TTC34: variants seen among roughly 807,000 people sequenced by gnomAD.
TTC34 encodes the protein tetratricopeptide repeat domain 34, also known as tetratricopeptide repeat protein 34.
Under a neutral mutation model 40.7 loss-of-function variants are expected in TTC34, and 44 were observed. That is an observed-to-expected ratio of 1.08 (90% CI 0.85 to 1.39). The LOEUF (loss-of-function observed/expected upper bound fraction) is 1.39, where lower values mean the gene tolerates loss of function less well. Among genes scored for constraint, TTC34 ranks in the 40% most tolerant of loss-of-function variants. TTC34 has a pLI of 0.00. For synonymous variants in TTC34, 422 were observed against 398.6 expected (o/e 1.06, Z -0.70); for missense variants, 884 against 838.0 (o/e 1.05, Z -0.68).
At chr1:2,682,663 CCACACCCCCAGGCGAG>C (rs1640131293) in intron 6 of TTC34, among the ~76,000 whole-genome samples, 4 of 148,216 alleles carry the variant, frequency 2.7e-5, no homozygotes, top group Non-Finnish European at 6.1e-5. Context: ...GGAGCAGCAC[CCACACCCCCAGGCGAG>C]CATCCGACAG....
intron 6 of TTC34, among the ~76,000 whole-genome samples, chr1:2,651,255 C>T (rs1173792601): frequency 1.3e-5 from 2 of 152,036 alleles, no homozygotes; most frequent in Non-Finnish European, 2.9e-5. Context: ...GTGTGACAGC[C>T]TGAAACAGCA....
At chr1:2,688,373 C>A (rs1483056578) in intron 6 of TTC34, among the ~76,000 whole-genome samples, 1 of 151,896 alleles carries the variant, frequency 6.6e-6, no homozygotes, top group Non-Finnish European at 1.5e-5. Context: ...CCCACACGCC[C>A]AGGTGAGCAT....
chr1:2,683,642 A>G (rs201667635), intron 6 of TTC34, among the ~76,000 whole-genome samples: 4 of 148,148 alleles, frequency 2.7e-5, no homozygotes, highest in African/African-American at 1.0e-4. Context: ...CCCCCAGGTG[A>G]GCATCTGACA....
At chr1:2,683,244 T>C (rs1229016808) in intron 6 of TTC34, among the ~76,000 whole-genome samples, 1 of 147,794 alleles carries the variant, frequency 6.8e-6, no homozygotes. Context: ...CAAGTGAGCA[T>C]CTGATGGTTT....
exon 2 of TTC34, chr1:2,800,846 C>A (rs931163808): frequency 5.5e-5 from 22 of 398,638 alleles, no homozygotes; most frequent in East Asian, 1.8e-4. Flanking sequence ...CCCCGACGGG[C>A]CCATGTCTGG....
chr1:2,793,882 C>A lies in TTC34; in HGVS notation c.785-3536G>T, dbSNP rs112571276. 2.2e-3 allele frequency among the ~76,000 whole-genome samples: 341 copies of A among 152,280 alleles called. 2 individuals are homozygous for A. The highest frequency in any genetic ancestry group is 7.8e-3 in the African/African-American group (325 of 41,550). Reference sequence around the variant, plus strand: ...CTACTGCCACCTCTTCCTTCTCCATCTTCTGCTTCTCCTTCTCCTCTTCTC... The same window carrying A: ...CTACTGCCACCTCTTCCTTCTCCATATTCTGCTTCTCCTTCTCCTCTTCTC... On this transcript the variant is annotated intron_variant, in intron 2 of 8. Transcript: ENST00000401095.
chr1:2,640,293 T>C (rs1638875517), exon 9 of TTC34: 1 of 152,240 alleles, frequency 6.6e-6, no homozygotes, highest in Non-Finnish European at 1.5e-5. Flanking sequence ...ACACTCACAG[T>C]GATGGGCAAA....
intron 6 of TTC34, among the ~76,000 whole-genome samples, chr1:2,699,216 G>A (rs1208527579): frequency 1.3e-5 from 2 of 150,166 alleles, no homozygotes; most frequent in Admixed American, 1.3e-4. Flanking sequence ...CACACCCCCA[G>A]GTGAGCATCT....
intron 6 of TTC34, among the ~76,000 whole-genome samples, chr1:2,750,291 T>A (rs1210365109): frequency 6.0e-4 from 10 of 16,764 alleles, no homozygotes; most frequent in South Asian, 1.7e-3. Flanking sequence ...GACCCCCAGG[T>A]GAGCATCTGA....
At position 2,641,828 on chromosome 1, in the gene TTC34, G is replaced by T. The variant is rs1638913104; in HGVS notation, c.2780C>A (p.Ser927Ter). 1.3e-6 allele frequency: 2 copies of T among 1,531,554 alleles called. No individual in the cohort carries two copies. The highest frequency in any genetic ancestry group is 1.7e-6 in the Non-Finnish European group (2 of 1,144,528). The allele number at this position is 1,531,554 out of a possible 1,614,324, so 94.9% of individuals were successfully genotyped here. A position where few individuals can be genotyped will look rare whatever the true frequency, so the allele number is the denominator to read the frequency against. The change falls in exon 9 of 9, where the codon TCG becomes TAG. Residue 927 changes from serine to a stop codon, truncating the protein, a stop_gained. Coordinates refer to ENST00000401095, the Ensembl canonical transcript of TTC34. LOFTEE classifies it low-confidence loss of function (END_TRUNC). ...GCTGCCACTGGCCAGGACAGACAGC[G>T]AACAGTAGCCCAGCGCCTGCCTGGG...
At chr1:2,655,340 G>T (rs1333444571) in intron 6 of TTC34, among the ~76,000 whole-genome samples, 3 of 114,304 alleles carry the variant, frequency 2.6e-5, no homozygotes, top group African/African-American at 1.0e-4. Context: ...GCACCCCCAA[G>T]TGAGCACCTG....
chr1:2,797,185 T>C (rs575087139), intron 2 of TTC34, among the ~76,000 whole-genome samples: 130 of 152,320 alleles, frequency 8.5e-4, no homozygotes, highest in Middle Eastern at 3.4e-3. Flanking sequence ...GGATGGTGGC[T>C]GCTCTGCAGA....
intron 6 of TTC34, among the ~76,000 whole-genome samples, chr1:2,749,671 G>A (rs1348687057): frequency 1.4e-4 from 11 of 81,356 alleles, no homozygotes; most frequent in African/African-American, 4.8e-4. Context: ...ACAGCCTGGA[G>A]CAGCAACCTG....
exon 9 of TTC34, chr1:2,641,433 G>T (rs895222851): frequency 2.0e-6 from 3 of 1,535,086 alleles, no homozygotes; most frequent in Non-Finnish European, 2.6e-6. Flanking sequence ...TTCAGGCCAC[G>T]GTGGTCGGGG....
chr1:2,640,076 G>A (rs1185877855), exon 9 of TTC34: 1 of 152,388 alleles, frequency 6.6e-6, no homozygotes, highest in East Asian at 1.9e-4. Context: ...CAAGACCATG[G>A]AAGGAAGCGG....
At chr1:2,756,031 GC>G (rs1641494477) in intron 6 of TTC34, among the ~76,000 whole-genome samples, 1 of 88,380 alleles carries the variant, frequency 1.1e-5, no homozygotes, top group Non-Finnish European at 2.0e-5. Flanking sequence ...ACACCCCCAG[GC>G]GAGCATCTGA....
chr1:2,788,352 G>T (rs573905865), intron 3 of TTC34, among the ~76,000 whole-genome samples: 1 of 151,246 alleles, frequency 6.6e-6, no homozygotes, highest in Non-Finnish European at 1.5e-5. Flanking sequence ...TGTTGTGTGT[G>T]GTGTGTGTGT....
intron 6 of TTC34, among the ~76,000 whole-genome samples, chr1:2,676,968 C>A (rs1396002428): frequency 1.6e-4 from 21 of 134,800 alleles, no homozygotes; most frequent in African/African-American, 4.5e-4. Flanking sequence ...GCACCCTGCA[C>A]CCCCAGGTGA....
chr1:2,688,361 C>A (rs1569571616), intron 6 of TTC34, among the ~76,000 whole-genome samples: 1 of 135,488 alleles, frequency 7.4e-6, no homozygotes, highest in African/African-American at 3.0e-5. Context: ...CCTGGAGCAG[C>A]ACCCACACGC....
Sources: allele counts gnomAD v4.1 joint callset (sites outside exome capture counted in the v4.1 genomes callset), GRCh38; gene constraint gnomAD v4.1.1; transcripts MANE v1.5; gene names NCBI Gene and HGNC (gene_info 2026-07-23, HGNC 2026-07-21).